VDR: variants seen among roughly 807,000 people sequenced by gnomAD.
VDR encodes vitamin D3 receptor.
Under a neutral mutation model 39.7 loss-of-function variants are expected in VDR, and 19 were observed. The ratio of observed to expected loss-of-function variants is 0.48; its 90% confidence interval spans 0.33 to 0.70. VDR has a LOEUF of 0.70. VDR is among the 30% of genes least tolerant of loss of function. The pLI is 0.02. For synonymous variants in VDR, 242 were observed against 215.8 expected (o/e 1.12, Z -1.07); for missense variants, 442 against 570.5 (o/e 0.77, Z 2.29).
intron 1 of VDR, chr12:47,904,742 G>T (rs1420269985): frequency 1.8e-6 from 2 of 1,097,330 alleles, no homozygotes; most frequent in African/African-American, 1.6e-5. Context: ...TGCTCCCCTC[G>T]CCAGCCTGGC....
At chr12:47,859,961 TTCTTTCTTTC>T (rs1292008145) in intron 4 of VDR, among the ~76,000 whole-genome samples, 8 of 144,910 alleles carry the variant, frequency 5.5e-5, no homozygotes, top group African/African-American at 1.6e-4. Context: ...CTTTCTTTCT[TTCTTTCTTTC>T]TTTCTTTCTT....
intron 7 of VDR, among the ~76,000 whole-genome samples, chr12:47,854,540 T>C (rs1211413064): frequency 1.3e-5 from 2 of 152,240 alleles, no homozygotes; most frequent in Non-Finnish European, 2.9e-5. Flanking sequence ...GCCAAGCCCT[T>C]CTCTCTATCA....
At chr12:47,904,563 C>A (rs1335391512) in intron 1 of VDR, 9 of 1,534,844 alleles carry the variant, frequency 5.9e-6, no homozygotes, top group Non-Finnish European at 6.1e-6. Flanking sequence ...AGGTTACACA[C>A]CCTCCACTCC....
At chr12:47,849,309 C>T (rs372400555) in intron 7 of VDR, among the ~76,000 whole-genome samples, 4 of 152,150 alleles carry the variant, frequency 2.6e-5, no homozygotes, top group Non-Finnish European at 5.9e-5. Flanking sequence ...AAAATCACAA[C>T]GTGCTAGAGT....
rs1946346059 is a variant in VDR, at chr12:47,890,377, T to TA, written c.-83-7604_-83-7603insT. Among the ~76,000 whole-genome samples, 54 of 141,904 alleles carry TA rather than the reference T, an allele frequency of 3.8e-4. 2 individuals are homozygous for TA. The South Asian group carries it at 0.01, about 27-fold the overall frequency. 93.1% of individuals were successfully genotyped at this position (141,904 alleles called of 152,430 possible). ...ATATATTATGTATGTAATATATATT[T>TA]TATATATATATATATATATAAATCT... On this transcript the variant is annotated intron_variant, in intron 1 of 9. Transcript: ENST00000549336.
At chr12:47,888,751 A>C (rs1021728428) in intron 1 of VDR, among the ~76,000 whole-genome samples, 2 of 152,096 alleles carry the variant, frequency 1.3e-5, no homozygotes, top group South Asian at 4.1e-4. Context: ...AGAGGCTGGG[A>C]TGGGTAGCAG....
chr12:47,859,921 CTTTTT>C (rs1565615409), intron 4 of VDR, among the ~76,000 whole-genome samples: 9 of 67,624 alleles, frequency 1.3e-4, no homozygotes, highest in East Asian at 7.7e-4. Context: ...TTCCTTCTTT[CTTTTT>C]CTTTCTTTCT....
At chr12:47,888,847 C>T (rs1275999611) in intron 1 of VDR, among the ~76,000 whole-genome samples, 1 of 152,098 alleles carries the variant, frequency 6.6e-6, no homozygotes, top group Non-Finnish European at 1.5e-5. Context: ...TGCAACACTG[C>T]AGGGTGACTC....
chr12:47,872,253 T>C (rs996755531), intron 3 of VDR, among the ~76,000 whole-genome samples: 2 of 151,894 alleles, frequency 1.3e-5, no homozygotes, highest in Non-Finnish European at 2.9e-5. Context: ...ATCTGTAAAA[T>C]GGGAGCAACA....
Position 47,879,429 on chromosome 12 carries a change from A to G in VDR, c.-2-314T>C, listed in dbSNP as rs111921094. On this transcript the variant is annotated intron_variant, in intron 2 of 9. Transcript: ENST00000549336. ...GCATGCCCCCGCTGTCTGCATTGGAAGAGGTGTTTTACTTCCAGGGTGTAA... is the reference window on the plus strand; with the variant it reads ...GCATGCCCCCGCTGTCTGCATTGGAGGAGGTGTTTTACTTCCAGGGTGTAA... Among the ~76,000 whole-genome samples the G allele has an allele frequency of 2.4e-3, 369 of 152,302 alleles. 1 individual carries two copies. Among genetic ancestry groups the G allele is most frequent in the African/African-American group, 7.9e-3 (329 of 41,566 alleles).
rs533874045 is a variant in VDR at position 47,843,772 on chromosome 12, C to T, written c.*974G>A. ...GGCGGCAGGGAGATCATGACTCAGC[C>T]GCTGGGGTCTGAAAATTCTTCTCCT... On this transcript the variant is annotated 3_prime_UTR_variant, in exon 10 of 10. Transcript: ENST00000549336. The T allele has an allele frequency of 6.6e-6, 1 of 152,368 alleles. No individual in the cohort carries two copies. Among genetic ancestry groups the T allele is most frequent in the East Asian group, 1.9e-4 (1 of 5,248 alleles). 9.4% of individuals were successfully genotyped at this position (152,368 alleles called of 1,614,324 possible). A position where few individuals can be genotyped will look rare whatever the true frequency, so the allele number is the denominator to read the frequency against.
chr12:47,878,147 A>G (rs1025709840), intron 3 of VDR, among the ~76,000 whole-genome samples: 1 of 152,206 alleles, frequency 6.6e-6, no homozygotes, highest in Non-Finnish European at 1.5e-5. Context: ...GAGCCCTGCC[A>G]TAGCCACCTC....
At position 47,857,190 on chromosome 12, in the gene VDR, G is replaced by A. The variant is rs1291673662; in HGVS notation, c.522C>T (p.His174=). The change falls in exon 6 of 10, where the codon CAC becomes CAT. Residue 174 remains histidine (H), a synonymous_variant. Coordinates refer to ENST00000549336, the MANE Select transcript of VDR (RefSeq NM_000376.3). ...GSHPSRPNSR[H]TPSFSGDSSS... is the part of the protein sequence containing the mutation. ...AGGAGTCCCCAGAGAAGCTGGGAGT[G>A]TGTCTGGAGTTGGGCCTGGAAGGAT... 2 of 1,614,210 alleles carry A rather than the reference G, an allele frequency of 1.2e-6. No individual in the cohort carries two copies. Among genetic ancestry groups the A allele is most frequent in the Non-Finnish European group, 8.5e-7 (1 of 1,180,034 alleles).
chr12:47,872,187 A>T (rs12721371), intron 3 of VDR, among the ~76,000 whole-genome samples: 1,744 of 152,366 alleles, frequency 0.011, 18 homozygotes, highest in Middle Eastern at 0.061. Flanking sequence ...TTGAGTTTAA[A>T]TCTTAAAGCA....
rs561040236 is a variant in VDR, at chr12:47,891,618, C to T, written c.-83-8844G>A. ...GTGAGGAGAAATGAGTTGTTCTAAT[C>T]TCTCTCCTAACAGTCAGAGAAGCTG... On this transcript the variant is annotated intron_variant, in intron 1 of 9. Transcript: ENST00000549336. Among the ~76,000 whole-genome samples the T allele has an allele frequency of 5.9e-5, 9 of 152,322 alleles. No homozygotes were observed. In the South Asian group the frequency reaches 1.4e-3, roughly 25 times the overall value.
intron 7 of VDR, among the ~76,000 whole-genome samples, chr12:47,849,540 A>G (rs1313995698): frequency 1.3e-5 from 2 of 152,212 alleles, no homozygotes; most frequent in Admixed American, 6.5e-5. Flanking sequence ...TCCACTAGCC[A>G]TGGGACTTCC....
chr12:47,859,905 C>T (rs1565615248), intron 4 of VDR, among the ~76,000 whole-genome samples: 4 of 47,674 alleles, frequency 8.4e-5, no homozygotes, highest in Non-Finnish European at 1.6e-4. Flanking sequence ...TTCCTTCCTT[C>T]CTTCCTTCCT....
rs1183292742 is a variant in VDR at position 47,869,072 on chromosome 12, G to GC, written c.147-3896dup. ...TGCCTTTGACCCTCACTTGGGGGCA[G>GC]CCCCCCCAGCTGCAGGGTTGCCTGA... On this transcript the variant is annotated intron_variant, in intron 3 of 9. Transcript: ENST00000549336. Among the ~76,000 whole-genome samples the GC allele has an allele frequency of 4.6e-5, 7 of 152,258 alleles. No homozygotes were observed. In the East Asian group the frequency reaches 1.2e-3, roughly 25 times the overall value.
chr12:47,855,819 A>G lies in VDR; in HGVS notation c.584-18T>C. 2 of 1,612,888 alleles carry G rather than the reference A, an allele frequency of 1.2e-6. No individual in the cohort carries two copies. Among genetic ancestry groups the G allele is most frequent in the Non-Finnish European group, 1.7e-6 (2 of 1,179,708 alleles). On this transcript the variant is annotated intron_variant, in intron 6 of 9. Transcript: ENST00000549336. ...CATCATGTCTGGGAGAGATGAGGGA[A>G]GAGAAGGAGCTATTTAAGGATACTT...
Sources: gnomAD v4.1 joint callset for allele counts (sites outside exome capture counted in the v4.1 genomes callset) on GRCh38, gnomAD v4.1.1 for gene constraint, MANE v1.5 for transcripts, NCBI Gene and HGNC (gene_info 2026-07-23, HGNC 2026-07-21) for gene names.